Variants in SGPP2 observed in about 807,000 individuals in gnomAD.
SGPP2 encodes sphingosine 1-phosphate phosphohydrolase 2.
SGPP2 carries 30 observed loss-of-function variants against 33.9 expected under a neutral mutation model. The observed-to-expected ratio is 0.89, with a 90% CI of 0.66 to 1.20. The LOEUF is 1.20. SGPP2 is among the 50% of genes most tolerant of loss of function. SGPP2 has a pLI of 0.00. For synonymous variants in SGPP2, 233 were observed against 225.0 expected (o/e 1.04, Z -0.32); for missense variants, 458 against 532.1 (o/e 0.86, Z 1.37).
rs568264050 is a variant in SGPP2, at chr2:222,551,446, C to T, written c.649-6901C>T. Reference sequence around the variant, plus strand: ...TTCATAGTTTCTGTGAATTTAATAGCTTAAAAAAAAACTAACATAAAAAGT... The same window carrying T: ...TTCATAGTTTCTGTGAATTTAATAGTTTAAAAAAAAACTAACATAAAAAGT... On this transcript the variant is annotated intron_variant, in intron 4 of 4. Coordinates refer to ENST00000321276, the MANE Select transcript of SGPP2 (RefSeq NM_152386.4). Among the ~76,000 whole-genome samples, 7 of 151,838 alleles carry T rather than the reference C, an allele frequency of 4.6e-5. No individual in the cohort carries two copies. In the East Asian group the frequency reaches 1.3e-3, roughly 29 times the overall value.
At chr2:222,430,564 C>T (rs1697138591) in intron 1 of SGPP2, among the ~76,000 whole-genome samples, 1 of 152,198 alleles carries the variant, frequency 6.6e-6, no homozygotes, top group Admixed American at 6.5e-5. Flanking sequence ...AGCGATCCTC[C>T]TGCCTTGGCC....
Position 222,558,656 on chromosome 2 carries a change from A to ATGTT in SGPP2, c.959_962dup (p.Leu321PhefsTer51), listed in dbSNP as rs1281896771. 6.2e-7 allele frequency: 1 copy of ATGTT among 1,614,032 alleles called. No homozygotes were observed. Among genetic ancestry groups the ATGTT allele is most frequent in the South Asian group, 1.1e-5 (1 of 91,070 alleles). Reference sequence around the variant, plus strand: ...GAACATCCCACCACTCACCACCTACATGTTAGTTTTGGGTCTGACCAAATT... The same window carrying ATGTT: ...GAACATCCCACCACTCACCACCTACATGTTTGTTAGTTTTGGGTCTGACCAAATT... On this transcript the variant is annotated frameshift_variant, in exon 5 of 5. Coordinates refer to ENST00000321276, the MANE Select transcript of SGPP2 (RefSeq NM_152386.4). LOFTEE classifies it high-confidence loss of function.
chr2:222,497,275 C>A (rs760514012), intron 2 of SGPP2, among the ~76,000 whole-genome samples: 1 of 112,502 alleles, frequency 8.9e-6, no homozygotes, highest in Non-Finnish European at 1.8e-5. Flanking sequence ...TTTTTTTAGA[C>A]GGAGTCTTGC....
chr2:222,539,173 G>A (rs1698957248), intron 4 of SGPP2, among the ~76,000 whole-genome samples: 1 of 152,156 alleles, frequency 6.6e-6, no homozygotes, highest in Admixed American at 6.5e-5. Context: ...AAGAAACGAT[G>A]GGATTGGGTA....
Position 222,539,226 on chromosome 2 carries a change from G to A in SGPP2, c.648+14193G>A, listed in dbSNP as rs531991753. 1.8e-4 allele frequency among the ~76,000 whole-genome samples: 27 copies of A among 152,164 alleles called. 1 individual carries two copies. The highest frequency in any genetic ancestry group is 3.2e-4 in the Non-Finnish European group (22 of 68,030). On this transcript the variant is annotated intron_variant, in intron 4 of 4. Coordinates refer to ENST00000321276, the MANE Select transcript of SGPP2 (RefSeq NM_152386.4). Reference sequence around the variant, plus strand: ...AGGGAGAAATTGACCAAAAGAAAGGGGCCGCAGTCTGGCCCCATGTGAGTC... The same window carrying A: ...AGGGAGAAATTGACCAAAAGAAAGGAGCCGCAGTCTGGCCCCATGTGAGTC...
chr2:222,431,512 C>T (rs907804732), intron 1 of SGPP2, among the ~76,000 whole-genome samples: 1 of 152,004 alleles, frequency 6.6e-6, no homozygotes, highest in Non-Finnish European at 1.5e-5. Flanking sequence ...CCCCCGCCCC[C>T]CGCTCGAAGT....
Position 222,477,214 on chromosome 2 carries a change from T to G in SGPP2, c.378+2488T>G, listed in dbSNP as rs1390848435. ...GTATATATGTGTGTGCATAGGTGCA[T>G]ATATATGTTTATGTATATAGGTGTG... On this transcript the variant is annotated intron_variant, in intron 2 of 4. Transcript: ENST00000321276. This position sits in a 1 kb window ranked among gnomAD's most constrained non-coding sequence, Gnocchi z 6.0. Among the ~76,000 whole-genome samples the G allele has an allele frequency of 6.6e-6, 1 of 151,664 alleles. No individual in the cohort carries two copies. The highest frequency in any genetic ancestry group is 1.5e-5 in the Non-Finnish European group (1 of 67,836).
chr2:222,511,238 G>T (rs529470333), intron 2 of SGPP2, among the ~76,000 whole-genome samples: 1 of 152,152 alleles, frequency 6.6e-6, no homozygotes, highest in East Asian at 1.9e-4. Flanking sequence ...CATATTGACC[G>T]CATTGGTTCC....
intron 2 of SGPP2, among the ~76,000 whole-genome samples, chr2:222,509,107 C>T (rs1294758959): frequency 6.6e-6 from 1 of 151,682 alleles, no homozygotes; most frequent in Non-Finnish European, 1.5e-5. Flanking sequence ...TAGGAGACCA[C>T]AGAGCACTTT....
intron 4 of SGPP2, among the ~76,000 whole-genome samples, chr2:222,528,856 AT>A (rs1698798314): frequency 6.6e-6 from 1 of 152,216 alleles, no homozygotes; most frequent in South Asian, 2.1e-4. Context: ...GGCTCAAGCA[AT>A]CATACCACCT....
intron 1 of SGPP2, among the ~76,000 whole-genome samples, chr2:222,437,050 A>G (rs1256123350): frequency 6.6e-6 from 1 of 152,200 alleles, no homozygotes; most frequent in Non-Finnish European, 1.5e-5. Context: ...GGTGTCCACA[A>G]AATGGGTCAT....
Position 222,548,597 on chromosome 2 carries a change from C to T in SGPP2, c.649-9750C>T, listed in dbSNP as rs1272360032. On this transcript the variant is annotated intron_variant, in intron 4 of 4. Transcript: ENST00000321276. ...CGGTGACAGAGTGCCCACTCAAAGACCCATTCGTATCAGGCGATTCTACTG... is the reference window on the plus strand; with the variant it reads ...CGGTGACAGAGTGCCCACTCAAAGATCCATTCGTATCAGGCGATTCTACTG... 3.3e-5 allele frequency among the ~76,000 whole-genome samples: 5 copies of T among 151,990 alleles called. No individual in the cohort carries two copies. In the East Asian group the frequency reaches 5.8e-4, roughly 18 times the overall value.
chr2:222,424,825 A>T lies in SGPP2; in HGVS notation c.219+4A>T. The T allele has an allele frequency of 7.4e-7, 1 of 1,355,036 alleles. No homozygotes were observed. The highest frequency in any genetic ancestry group is 9.5e-7 in the Non-Finnish European group (1 of 1,056,138). The allele number at this position is 1,355,036 out of a possible 1,614,324, so 83.9% of individuals were successfully genotyped here. A position where few individuals can be genotyped will look rare whatever the true frequency, so the allele number is the denominator to read the frequency against. On this transcript the variant is annotated splice_donor_region_variant and intron_variant, in intron 1 of 4. Transcript: ENST00000321276. Reference sequence around the variant, plus strand: ...GCGCAGAGCCGCGGCGCCGGAGGTAACCATGGGCAGGTGTTCGCCGGGTAC... The same window carrying T: ...GCGCAGAGCCGCGGCGCCGGAGGTATCCATGGGCAGGTGTTCGCCGGGTAC...
chr2:222,530,406 C>T (rs146011323), intron 4 of SGPP2, among the ~76,000 whole-genome samples: 1 of 152,240 alleles, frequency 6.6e-6, no homozygotes, highest in African/African-American at 2.4e-5. Context: ...TGTAACGTAG[C>T]CACCTTCATC....
Position 222,560,412 on chromosome 2 carries a change from T to C in SGPP2, c.*1514T>C, listed in dbSNP as rs1689515415. On this transcript the variant is annotated 3_prime_UTR_variant, in exon 5 of 5. Coordinates refer to ENST00000321276, the MANE Select transcript of SGPP2 (RefSeq NM_152386.4). ...GGAATTAATGCAAGAACAACTTTAG[T>C]GTCTCTTGGGAAAACAAGCCAACCA... 6.6e-6 allele frequency: 1 copy of C among 152,252 alleles called. No individual in the cohort carries two copies. Among genetic ancestry groups the C allele is most frequent in the South Asian group, 2.1e-4 (1 of 4,832 alleles). The allele number at this position is 152,252 out of a possible 1,614,324, so 9.4% of individuals were successfully genotyped here.
intron 1 of SGPP2, among the ~76,000 whole-genome samples, chr2:222,435,172 C>T (rs1220840942): frequency 6.6e-6 from 1 of 151,904 alleles, no homozygotes; most frequent in Non-Finnish European, 1.5e-5. Context: ...ACAAGGAGAG[C>T]CAGTCTGAGT....
chr2:222,535,176 A>G (rs1268585760), intron 4 of SGPP2, among the ~76,000 whole-genome samples: 3 of 151,852 alleles, frequency 2.0e-5, no homozygotes, highest in Non-Finnish European at 4.4e-5. Flanking sequence ...CAGGAGTTCA[A>G]GACTCAGCCT....
intron 1 of SGPP2, among the ~76,000 whole-genome samples, chr2:222,434,093 CTG>C (rs1485100970): frequency 6.6e-6 from 1 of 152,130 alleles, no homozygotes; most frequent in East Asian, 1.9e-4. Context: ...TGAGAAAACA[CTG>C]TCACAGTTTC....
intron 1 of SGPP2, among the ~76,000 whole-genome samples, chr2:222,425,208 T>C (rs1697045040): frequency 6.8e-6 from 1 of 148,004 alleles, no homozygotes; most frequent in Non-Finnish European, 1.5e-5. Flanking sequence ...CACCCCCGTA[T>C]TCTTGCATTT....
Sources: gnomAD v4.1 joint callset for allele counts (sites outside exome capture counted in the v4.1 genomes callset) on GRCh38, gnomAD v4.1.1 for gene constraint, Gnocchi (gnomAD v3.1) non-coding constraint, MANE v1.5 for transcripts, NCBI Gene and HGNC (gene_info 2026-07-23, HGNC 2026-07-21) for gene names.